GID4: variants seen among roughly 807,000 people sequenced by gnomAD.
The protein encoded by GID4 is glucose-induced degradation protein 4 homolog.
A neutral mutation model predicts 32.4 loss-of-function variants in GID4; 7 were observed. That is an observed-to-expected ratio of 0.22 (90% confidence interval 0.12 to 0.41). The LOEUF is 0.41. Among genes scored for constraint, GID4 ranks in the 10% least tolerant of loss-of-function variants. The probability of loss-of-function intolerance (pLI) is 1.00; values close to 1 mark genes in which losing one functional copy is unlikely to be tolerated. For synonymous variants in GID4, 166 were observed against 170.0 expected, an observed-to-expected ratio of 0.98 and a Z score of 0.18; for missense variants, 309 against 400.0, an observed-to-expected ratio of 0.77 and a Z score of 1.94.
intron 2 of GID4, among the ~76,000 whole-genome samples, chr17:18,050,035 G>A (rs991856269): frequency 2.0e-5 from 3 of 152,134 alleles, no homozygotes; most frequent in Non-Finnish European, 2.9e-5. Context: ...AGCTCTACCC[G>A]TGTTCACGCA....
At chr17:18,043,696 A>G (rs1217043201) in intron 1 of GID4, among the ~76,000 whole-genome samples, 1 of 152,246 alleles carries the variant, frequency 6.6e-6, no homozygotes, top group African/African-American at 2.4e-5. Flanking sequence ...GACTAAGTTC[A>G]TTACAGTTTT....
At chr17:18,040,208 C>T (rs372694605) in intron 1 of GID4, among the ~76,000 whole-genome samples, 1 of 152,210 alleles carries the variant, frequency 6.6e-6, no homozygotes, top group Non-Finnish European at 1.5e-5. Flanking sequence ...CGGAGAAGGC[C>T]TGGGTCCTTC....
chr17:18,054,454 A>G (rs1380945361), intron 3 of GID4, among the ~76,000 whole-genome samples: 3 of 152,210 alleles, frequency 2.0e-5, no homozygotes, highest in African/African-American at 7.2e-5. Context: ...GTCTGATGAT[A>G]GCAACCCCAG....
At chr17:18,055,396 G>A (rs1017035608) in intron 3 of GID4, among the ~76,000 whole-genome samples, 3 of 152,156 alleles carry the variant, frequency 2.0e-5, no homozygotes, top group African/African-American at 7.2e-5. Flanking sequence ...ACAGCAGTCT[G>A]TGGAGAGAAC....
chr17:18,045,621 G>T (rs950672566), intron 2 of GID4, among the ~76,000 whole-genome samples: 1 of 152,074 alleles, frequency 6.6e-6, no homozygotes, highest in East Asian at 1.9e-4. Context: ...CTGACTGGTC[G>T]CGGTGGCTCA....
Position 18,065,576 on chromosome 17 carries a change from A to G in GID4, c.*333A>G, listed in dbSNP as rs1045069682. 8.8e-6 allele frequency: 3 copies of G among 341,324 alleles called. No homozygotes were observed. The highest frequency in any genetic ancestry group is 1.7e-5 in the Non-Finnish European group (3 of 176,976). 21.1% of individuals were successfully genotyped at this position (341,324 alleles called of 1,614,324 possible). ...CTTCCTCCGTCCCACCTCCAGCCGA[A>G]TAGAAGGTCTGCTCCCGGATCACCC... On this transcript the variant is annotated 3_prime_UTR_variant, in exon 6 of 6. Transcript: ENST00000268719.
chr17:18,063,939 T>G (rs549149949), intron 5 of GID4, among the ~76,000 whole-genome samples: 2 of 152,268 alleles, frequency 1.3e-5, no homozygotes, highest in South Asian at 4.1e-4. Flanking sequence ...GACGGGGTTT[T>G]GCCATGTTGG....
chr17:18,040,255 C>T (rs948695030), intron 1 of GID4, among the ~76,000 whole-genome samples: 1 of 152,206 alleles, frequency 6.6e-6, no homozygotes, highest in African/African-American at 2.4e-5. Flanking sequence ...CAGGGACTGC[C>T]ACCAGCCCTT....
intron 3 of GID4, chr17:18,056,828 A>G (rs749023513): frequency 3.9e-6 from 6 of 1,550,592 alleles, no homozygotes; most frequent in Admixed American, 2.0e-5. Flanking sequence ...AGGGAGCTGA[A>G]CCTATGGAGT....
chr17:18,054,616 C>T (rs961843293), intron 3 of GID4, among the ~76,000 whole-genome samples: 2 of 152,112 alleles, frequency 1.3e-5, no homozygotes, highest in South Asian at 2.1e-4. Flanking sequence ...CCTCCGGCTT[C>T]GGGGCTGGCA....
intron 3 of GID4, among the ~76,000 whole-genome samples, chr17:18,057,758 G>C (rs770640112): frequency 6.6e-6 from 1 of 151,614 alleles, no homozygotes; most frequent in Non-Finnish European, 1.5e-5. Context: ...CATATATGTG[G>C]GTTCTGTATC....
At position 18,061,496 on chromosome 17, in the gene GID4, TTGTC is replaced by T. The variant is rs1382119363; in HGVS notation, c.709-345_709-342del. ...AGAAACTTCGCTCTTCCCAGGTTGA[TTGTC>T]TGTGGTCTCTGAAAGATAGAGAGGC... On this transcript the variant is annotated intron_variant, in intron 4 of 5. Coordinates refer to ENST00000268719, the MANE Select transcript of GID4 (RefSeq NM_024052.5). This position sits in a 1 kb window ranked among gnomAD's most constrained non-coding sequence, Gnocchi z 4.4. 5.3e-5 allele frequency among the ~76,000 whole-genome samples: 8 copies of T among 152,172 alleles called. No individual in the cohort carries two copies. Among genetic ancestry groups the T allele is most frequent in the African/African-American group, 1.9e-4 (8 of 41,450 alleles).
Position 18,039,808 on chromosome 17 carries a change from C to G in GID4, c.344C>G (p.Pro115Arg). The part of the protein sequence containing the change: ...IPPPPINTQQ[P>R]GVATSLLYSG... Reference sequence around the variant, plus strand: ...CCGCCGCCCATCAACACCCAGCAGCCCGGCGTGGCCACCAGCCTGCTCTAC... The same window carrying G: ...CCGCCGCCCATCAACACCCAGCAGCGCGGCGTGGCCACCAGCCTGCTCTAC... Residue 115 changes from proline (P) to arginine (R), a missense_variant, in exon 1 of 6, where the codon CCC (proline) becomes CGC (arginine). Physicochemically the swap from Pro to Arg is moderately radical, Grantham distance 103 (BLOSUM62 -2). This residue lies in a region of GID4 where 193 missense variants were observed against 185.8 expected (regional missense o/e 1.04). Coordinates refer to ENST00000268719, the MANE Select transcript of GID4 (RefSeq NM_024052.5). The surrounding 1 kb of genome is among the most constrained non-coding windows in gnomAD (Gnocchi z 5.3). The G allele has an allele frequency of 6.3e-7, 1 of 1,577,034 alleles. No homozygotes were observed. Among genetic ancestry groups the G allele is most frequent in the Non-Finnish European group, 8.6e-7 (1 of 1,162,888 alleles).
At chr17:18,063,786 A>G (rs1040591327) in intron 5 of GID4, among the ~76,000 whole-genome samples, 1 of 152,146 alleles carries the variant, frequency 6.6e-6, no homozygotes, top group Non-Finnish European at 1.5e-5. Context: ...CTTGTCCCCC[A>G]GGCTGGAGTT....
At chr17:18,040,683 T>C (rs1023629777) in intron 1 of GID4, among the ~76,000 whole-genome samples, 1 of 152,184 alleles carries the variant, frequency 6.6e-6, no homozygotes. Context: ...TTCCCAGTCT[T>C]CCTGGCCTCT....
In GID4 at chr17:18,057,261, A is replaced by G. The variant is rs748466096; in HGVS notation, c.607-1607A>G. On this transcript the variant is annotated intron_variant, in intron 3 of 5. Transcript: ENST00000268719. Reference sequence around the variant, plus strand: ...AGCCTGGCCAACATGGTGAAACCCCATCTCTACCAAAAATATAAAAATTAA... The same window carrying G: ...AGCCTGGCCAACATGGTGAAACCCCGTCTCTACCAAAAATATAAAAATTAA... 440 of 442,810 alleles carry G rather than the reference A, an allele frequency of 9.9e-4. 1 individual carries two copies. Among genetic ancestry groups the G allele is most frequent in the Non-Finnish European group, 8.3e-4 (203 of 244,690 alleles). The allele number at this position is 442,810 out of a possible 1,614,324, so 27.4% of individuals were successfully genotyped here. A position where few individuals can be genotyped will look rare whatever the true frequency, so the allele number is the denominator to read the frequency against.
At position 18,058,984 on chromosome 17, in the gene GID4, G is replaced by C. The variant is rs1838615477; in HGVS notation, c.708+15G>C. 1.3e-6 allele frequency: 2 copies of C among 1,518,554 alleles called. No individual in the cohort carries two copies. The highest frequency in any genetic ancestry group is 1.8e-6 in the Non-Finnish European group (2 of 1,093,288). The allele number at this position is 1,518,554 out of a possible 1,614,324, so 94.1% of individuals were successfully genotyped here. A position where few individuals can be genotyped will look rare whatever the true frequency, so the allele number is the denominator to read the frequency against. ...TGAGGTGGAAGGTAAGTTCCCACCA[G>C]GTGGCCCTCCAGACTCCCAGCAAGC... On this transcript the variant is annotated intron_variant, in intron 4 of 5. Coordinates refer to ENST00000268719, the MANE Select transcript of GID4 (RefSeq NM_024052.5).
rs58970292 is a variant in GID4, at chr17:18,066,359, C to T, written c.*1116C>T. On this transcript the variant is annotated 3_prime_UTR_variant, in exon 6 of 6. Transcript: ENST00000268719. ...CCTTCCATGAGGCAGAAGGGGTCGT[C>T]GTTCTCTGAAAACAGTGACTCTGAA... The T allele has an allele frequency of 0.021, 3,197 of 152,438 alleles. 108 individuals are homozygous for T. The highest frequency in any genetic ancestry group is 0.065 in the African/African-American group (2,693 of 41,426). The allele number at this position is 152,438 out of a possible 1,614,324, so 9.4% of individuals were successfully genotyped here.
intron 2 of GID4, 92 bp downstream of exon 2, chr17:18,045,298 G>C: frequency 1.1e-6 from 1 of 909,334 alleles, no homozygotes; most frequent in Non-Finnish European, 1.8e-6. Context: ...TCAACTCCTT[G>C]AGGCCTAATT....
Sources: gnomAD v4.1 joint callset for allele counts (sites outside exome capture counted in the v4.1 genomes callset) on GRCh38, gnomAD v4.1.1 for gene constraint, gnomAD v4.1.1 regional missense constraint, Gnocchi (gnomAD v3.1) non-coding constraint, MANE v1.5 for transcripts, NCBI Gene and HGNC (gene_info 2026-07-23, HGNC 2026-07-21) for gene names.